The following HCN1 variants were observed in gnomAD, a reference collection of about 807,000 sequenced individuals.
HCN1 encodes the protein potassium/sodium hyperpolarization-activated cyclic nucleotide-gated channel 1.
HCN1 carries 13 observed loss-of-function variants against 78.9 expected under a neutral mutation model. The ratio of observed to expected loss-of-function variants is 0.16; its 90% CI spans 0.11 to 0.26. The LOEUF (loss-of-function observed/expected upper bound fraction) is 0.26. Ranked by LOEUF, HCN1 falls within the 10% of genes least tolerant of loss-of-function variation. The pLI is 1.00. For missense variants in HCN1, 810 were observed against 1,154.3 expected (o/e 0.70, Z 4.32); for synonymous variants, 552 against 455.5 (o/e 1.21, Z -2.70).
intron 4 of HCN1, among the ~76,000 whole-genome samples, chr5:45,374,006 T>A (rs1208139071): frequency 9.8e-6 from 1 of 101,710 alleles, no homozygotes; most frequent in South Asian, 2.6e-4. Context: ...ATATATTATA[T>A]ACATAATATA....
chr5:45,494,245 C>G (rs1304239396), intron 2 of HCN1, among the ~76,000 whole-genome samples: 1 of 152,054 alleles, frequency 6.6e-6, no homozygotes, highest in Non-Finnish European at 1.5e-5. Context: ...TATTTCTCCA[C>G]ATCCTCTCCA....
intron 2 of HCN1, among the ~76,000 whole-genome samples, chr5:45,530,402 G>A (rs1742817201): frequency 6.7e-6 from 1 of 149,020 alleles, no homozygotes; most frequent in African/African-American, 2.5e-5. Context: ...TTGGGGAAAT[G>A]ATTGTGTTTT....
chr5:45,624,159 G>A (rs1328427554), intron 2 of HCN1, among the ~76,000 whole-genome samples: 1 of 152,130 alleles, frequency 6.6e-6, no homozygotes, highest in Non-Finnish European at 1.5e-5. Context: ...GAGGCCATTG[G>A]AACATTTGAA....
At position 45,426,979 on chromosome 5, in the gene HCN1, T is replaced by G. The variant is rs192091994; in HGVS notation, c.1012-30269A>C. On this transcript the variant is annotated intron_variant, in intron 3 of 7. Coordinates refer to ENST00000303230, the MANE Select transcript of HCN1 (RefSeq NM_021072.4). ...ATGTTTTATACTATATGGCTATAAT[T>G]ATAATAAATATACATATTCATTATA... Among the ~76,000 whole-genome samples, 485 of 152,084 alleles carry G rather than the reference T, an allele frequency of 3.2e-3. 1 individual carries two copies. The highest frequency in any genetic ancestry group is 6.8e-3 in the Middle Eastern group (2 of 294).
intron 1 of HCN1, among the ~76,000 whole-genome samples, chr5:45,691,842 T>C (rs990465449): frequency 6.6e-6 from 1 of 152,176 alleles, no homozygotes; most frequent in African/African-American, 2.4e-5. Context: ...CAGTTGTGGC[T>C]GCAATTCAAA....
intron 6 of HCN1, among the ~76,000 whole-genome samples, chr5:45,267,581 A>G (rs1353084120): frequency 6.6e-6 from 1 of 152,078 alleles, no homozygotes; most frequent in Non-Finnish European, 1.5e-5. Context: ...CATCCTGGCT[A>G]ACATGGTGAA....
chr5:45,329,771 G>A (rs1746308461), intron 5 of HCN1, among the ~76,000 whole-genome samples: 1 of 151,340 alleles, frequency 6.6e-6, no homozygotes, highest in Non-Finnish European at 1.5e-5. Context: ...CTAAAATTCA[G>A]AGATACCTGT....
chr5:45,584,096 G>A (rs1307170905), intron 2 of HCN1, among the ~76,000 whole-genome samples: 1 of 152,108 alleles, frequency 6.6e-6, no homozygotes, highest in Non-Finnish European at 1.5e-5. Context: ...TTAACTTTCT[G>A]TCTCGTTGAT....
intron 1 of HCN1, among the ~76,000 whole-genome samples, chr5:45,676,476 T>G (rs2112082457): frequency 6.6e-6 from 1 of 151,792 alleles, no homozygotes; most frequent in African/African-American, 2.4e-5. Flanking sequence ...GGAGAAAAAT[T>G]TTTAACATGT....
rs1554034719 is a variant in HCN1, at chr5:45,593,320, T to TCC, written c.849+51863_849+51864dup. On this transcript the variant is annotated intron_variant, in intron 2 of 7. Transcript: ENST00000303230. Reference sequence around the variant, plus strand: ...CTCTCTCTCTCTCTCTCTCTCTCTCTCCCTCTCTCTCTCTCTCTCTCACAC... The same window carrying TCC: ...CTCTCTCTCTCTCTCTCTCTCTCTCTCCCCCTCTCTCTCTCTCTCTCTCACAC... Among the ~76,000 whole-genome samples, 213 of 50,514 alleles carry TCC rather than the reference T, an allele frequency of 4.2e-3. 1 individual carries two copies. Among genetic ancestry groups the TCC allele is most frequent in the African/African-American group, 9.5e-3 (206 of 21,650 alleles). The allele number at this position is 50,514 out of a possible 152,430, so 33.1% of individuals were successfully genotyped here.
At chr5:45,579,182 C>T (rs1344991802) in intron 2 of HCN1, among the ~76,000 whole-genome samples, 1 of 151,974 alleles carries the variant, frequency 6.6e-6, no homozygotes, top group East Asian at 1.9e-4. Context: ...AAACTTAAAT[C>T]CTAAAAATTT....
intron 5 of HCN1, among the ~76,000 whole-genome samples, chr5:45,325,061 C>G (rs930926882): frequency 2.0e-5 from 3 of 151,592 alleles, no homozygotes; most frequent in African/African-American, 4.8e-5. Flanking sequence ...CAATCTGGAG[C>G]AGGAACAGAA....
chr5:45,291,479 C>T (rs1382565309), intron 6 of HCN1, among the ~76,000 whole-genome samples: 1 of 152,062 alleles, frequency 6.6e-6, no homozygotes, highest in Non-Finnish European at 1.5e-5. Context: ...GAGATTTGCA[C>T]TTGTTATTCC....
At chr5:45,419,246 T>C (rs546659961) in intron 3 of HCN1, among the ~76,000 whole-genome samples, 1 of 152,180 alleles carries the variant, frequency 6.6e-6, no homozygotes, top group African/African-American at 2.4e-5. Flanking sequence ...TGGAACAAGT[T>C]ACCAAGTAAC....
chr5:45,362,452 T>G (rs1747134725), intron 4 of HCN1, among the ~76,000 whole-genome samples: 1 of 152,112 alleles, frequency 6.6e-6, no homozygotes. Flanking sequence ...AATCTATTTT[T>G]TCTCCTTCTG....
intron 5 of HCN1, among the ~76,000 whole-genome samples, chr5:45,347,613 T>C (rs1344850899): frequency 3.9e-5 from 6 of 152,150 alleles, no homozygotes; most frequent in African/African-American, 9.6e-5. Flanking sequence ...GTTGAAAACT[T>C]TGAAAAAAAT....
At chr5:45,379,083 C>T (rs911452404) in intron 4 of HCN1, among the ~76,000 whole-genome samples, 6 of 152,042 alleles carry the variant, frequency 3.9e-5, no homozygotes, top group Non-Finnish European at 7.3e-5. Context: ...AATAAACATG[C>T]GTGTGCATGT....
chr5:45,463,385 T>C lies in HCN1; in HGVS notation c.850-1378A>G, dbSNP rs180912181. ...AACAATCTTTTTGACATAGTAATTATAGTGAGCAAAAAGATTTTTTTCGTG... is the reference window on the plus strand; with the variant it reads ...AACAATCTTTTTGACATAGTAATTACAGTGAGCAAAAAGATTTTTTTCGTG... On this transcript the variant is annotated intron_variant, in intron 2 of 7. Coordinates refer to ENST00000303230, the MANE Select transcript of HCN1 (RefSeq NM_021072.4). 2.3e-3 allele frequency among the ~76,000 whole-genome samples: 352 copies of C among 152,104 alleles called. 1 individual carries two copies. Among genetic ancestry groups the C allele is most frequent in the Non-Finnish European group, 1.9e-3 (132 of 67,868 alleles).
At chr5:45,413,339 G>T (rs1005273783) in intron 3 of HCN1, among the ~76,000 whole-genome samples, 3 of 152,138 alleles carry the variant, frequency 2.0e-5, no homozygotes, top group Non-Finnish European at 4.4e-5. Context: ...ATTCAACACT[G>T]TTGAGATACA....
Sources: gnomAD v4.1 joint callset for allele counts (sites outside exome capture counted in the v4.1 genomes callset) on GRCh38, gnomAD v4.1.1 for gene constraint, MANE v1.5 for transcripts, NCBI Gene and HGNC (gene_info 2026-07-23, HGNC 2026-07-21) for gene names.